RBFOX1: variants seen among roughly 807,000 people sequenced by gnomAD.
The protein encoded by RBFOX1 is RNA binding fox-1 homolog 1.
RBFOX1 carries 8 observed loss-of-function variants against 57.7 expected under a neutral mutation model. That is an observed-to-expected ratio of 0.14 (90% CI 0.08 to 0.25). The LOEUF (loss-of-function observed/expected upper bound fraction) is 0.25, where lower values mean the gene tolerates loss of function less well. Among genes scored for constraint, RBFOX1 ranks in the 10% least tolerant of loss-of-function variants. RBFOX1 has a pLI of 1.00. For missense variants in RBFOX1, 611 were observed against 548.5 expected (o/e 1.11, Z -1.14); for synonymous variants, 326 against 222.4 (o/e 1.47, Z -4.15).
chr16:5,270,823 A>C (rs2062985589), intron 1 of RBFOX1: 1 of 440,630 alleles, frequency 2.3e-6, no homozygotes, highest in South Asian at 1.8e-5. Context: ...AAAATGCTGG[A>C]GAACCCTTGG....
At chr16:6,889,554 A>G (rs770188727) in intron 3 of RBFOX1, among the ~76,000 whole-genome samples, 2 of 152,140 alleles carry the variant, frequency 1.3e-5, no homozygotes, top group African/African-American at 4.8e-5. Flanking sequence ...GTCTTGAATG[A>G]TGATGGTTAG....
chr16:6,212,898 C>G (rs1016149732), intron 1 of RBFOX1, among the ~76,000 whole-genome samples: 1 of 152,026 alleles, frequency 6.6e-6, no homozygotes, highest in African/African-American at 2.4e-5. Flanking sequence ...CTGTTATTAA[C>G]GAAGAATTGA....
intron 3 of RBFOX1, among the ~76,000 whole-genome samples, chr16:6,923,855 G>C (rs998106757): frequency 3.3e-5 from 5 of 152,016 alleles, no homozygotes; most frequent in African/African-American, 1.2e-4. Flanking sequence ...GAGTGTATTA[G>C]TCCATGCTGC....
chr16:6,454,952 G>A (rs557655078), intron 2 of RBFOX1, among the ~76,000 whole-genome samples: 3 of 143,418 alleles, frequency 2.1e-5, no homozygotes, highest in Admixed American at 7.2e-5. Context: ...GGCACATCTC[G>A]GCTCACTGCA....
intron 14 of RBFOX1, among the ~76,000 whole-genome samples, chr16:7,677,160 C>CACACACACA (rs1555762483): frequency 6.6e-6 from 1 of 151,334 alleles, no homozygotes; most frequent in Non-Finnish European, 1.5e-5. Flanking sequence ...CACACACACA[C>CACACACACA]CGTACAACCT....
At chr16:6,338,705 A>G (rs1364515865) in intron 2 of RBFOX1, among the ~76,000 whole-genome samples, 1 of 152,220 alleles carries the variant, frequency 6.6e-6, no homozygotes, top group East Asian at 1.9e-4. Flanking sequence ...ATGGCACTCA[A>G]GAGACCTGAA....
At chr16:7,383,268 A>T (rs1396912306) in intron 4 of RBFOX1, among the ~76,000 whole-genome samples, 4 of 125,770 alleles carry the variant, frequency 3.2e-5, no homozygotes, top group South Asian at 2.3e-4. Context: ...CATAAAAATT[A>T]AAAAAAAAAA....
intron 3 of RBFOX1, among the ~76,000 whole-genome samples, chr16:5,658,861 G>C (rs1050422367): frequency 7.0e-6 from 1 of 142,906 alleles, no homozygotes; most frequent in East Asian, 2.7e-4. Flanking sequence ...ATATATATGT[G>C]TGTGTATATG....
At chr16:5,370,712 T>G (rs2065836708) in intron 1 of RBFOX1, among the ~76,000 whole-genome samples, 1 of 151,954 alleles carries the variant, frequency 6.6e-6, no homozygotes, top group African/African-American at 2.4e-5. Context: ...AGGCTGATCT[T>G]TAACACCTAG....
At chr16:6,955,067 C>G (rs898147342) in intron 3 of RBFOX1, among the ~76,000 whole-genome samples, 1 of 93,864 alleles carries the variant, frequency 1.1e-5, no homozygotes, top group African/African-American at 3.7e-5. Context: ...CCCATCTCTA[C>G]AAAAAAAAAA....
chr16:6,099,039 G>A (rs1388384661), intron 1 of RBFOX1, among the ~76,000 whole-genome samples: 1 of 152,160 alleles, frequency 6.6e-6, no homozygotes, highest in Non-Finnish European at 1.5e-5. Flanking sequence ...TCTTTATTAG[G>A]CAGAGAATGT....
At chr16:6,568,930 GC>G (rs1307013893) in intron 2 of RBFOX1, among the ~76,000 whole-genome samples, 4 of 152,026 alleles carry the variant, frequency 2.6e-5, no homozygotes, top group Admixed American at 2.6e-4. Context: ...GTGCCATTAT[GC>G]CCACGTGATT....
intron 3 of RBFOX1, among the ~76,000 whole-genome samples, chr16:5,625,104 A>C (rs932200034): frequency 1.3e-5 from 2 of 152,294 alleles, no homozygotes; most frequent in African/African-American, 4.8e-5. Flanking sequence ...AAATGGACCC[A>C]GCGTTACCAT....
chr16:6,254,527 C>T (rs1020263506), intron 1 of RBFOX1, among the ~76,000 whole-genome samples: 3 of 152,088 alleles, frequency 2.0e-5, no homozygotes, highest in African/African-American at 7.2e-5. Context: ...ATCCCAAGGT[C>T]ATACCATCTT....
At chr16:6,356,975 C>T (rs1050244877) in intron 2 of RBFOX1, among the ~76,000 whole-genome samples, 3 of 152,098 alleles carry the variant, frequency 2.0e-5, no homozygotes, top group Non-Finnish European at 2.9e-5. Flanking sequence ...TCCAGCAGCC[C>T]GGTAATGGAT....
intron 1 of RBFOX1, among the ~76,000 whole-genome samples, chr16:5,406,793 T>C (rs2066880108): frequency 6.6e-6 from 1 of 152,118 alleles, no homozygotes. Flanking sequence ...TGAACTCTCA[T>C]GAATACAATT....
chr16:7,381,143 G>C (rs1160613223), intron 4 of RBFOX1, among the ~76,000 whole-genome samples: 3 of 152,196 alleles, frequency 2.0e-5, no homozygotes, highest in Admixed American at 2.0e-4. Flanking sequence ...GACACAGATA[G>C]TTCTAGATGC....
intron 4 of RBFOX1, among the ~76,000 whole-genome samples, chr16:7,114,308 A>AC (rs2065417931): frequency 6.6e-6 from 1 of 152,194 alleles, no homozygotes; most frequent in Non-Finnish European, 1.5e-5. Flanking sequence ...CAATGAAAAA[A>AC]ATATGAATAC....
At chr16:6,633,016 A>G (rs1206029299) in intron 2 of RBFOX1, among the ~76,000 whole-genome samples, 2 of 152,188 alleles carry the variant, frequency 1.3e-5, no homozygotes, top group South Asian at 2.1e-4. Flanking sequence ...ATGGGGAGAC[A>G]TTGAAAAATA....
Sources: allele counts gnomAD v4.1 joint callset (sites outside exome capture counted in the v4.1 genomes callset), GRCh38; gene constraint gnomAD v4.1.1; transcripts MANE v1.5; gene names NCBI Gene and HGNC (gene_info 2026-07-23, HGNC 2026-07-21).